Variants in CDH18 observed in about 807,000 individuals in gnomAD.
The protein encoded by CDH18 is cadherin-18.
A neutral mutation model predicts 67.9 loss-of-function variants in CDH18; 31 were observed. That is an observed-to-expected ratio of 0.46 (90% confidence interval 0.34 to 0.62). The LOEUF (loss-of-function observed/expected upper bound fraction) is 0.62, where lower values mean the gene tolerates loss of function less well. Ranked by LOEUF, CDH18 falls within the 20% of genes least tolerant of loss-of-function variation. The probability of loss-of-function intolerance (pLI) is 0.01; values close to 1 mark genes in which losing one functional copy is unlikely to be tolerated. For synonymous variants in CDH18, 362 were observed against 347.2 expected, an observed-to-expected ratio of 1.04 and a Z score of -0.48; for missense variants, 890 against 975.5, an observed-to-expected ratio of 0.91 and a Z score of 1.17.
intron 8 of CDH18, among the ~76,000 whole-genome samples, chr5:19,555,717 C>T (rs1049397205): frequency 6.6e-6 from 1 of 152,180 alleles, no homozygotes. Context: ...TACATAATCT[C>T]TTGGGAGCCG....
intron 2 of CDH18, among the ~76,000 whole-genome samples, chr5:20,092,507 G>T (rs1745532014): frequency 6.6e-6 from 1 of 152,110 alleles, no homozygotes; most frequent in Non-Finnish European, 1.5e-5. Context: ...AAAAGTAATT[G>T]TAAGTGTTTT....
chr5:20,343,782 A>G lies in CDH18; in HGVS notation c.-579-88277T>C, dbSNP rs79120571. Among the ~76,000 whole-genome samples the G allele has an allele frequency of 3.3e-5, 5 of 152,284 alleles. No homozygotes were observed. In the East Asian group the frequency reaches 9.7e-4, roughly 29 times the overall value. ...TCCTCCATGCCACTACTGGAAAGAG[A>G]GACACTTCCTTACATCTAATGGGTC... is the stretch of plus-strand genomic sequence containing the variant. On this transcript the variant is annotated intron_variant, in intron 1 of 14. Transcript: ENST00000507958.
chr5:19,525,090 A>G (rs1267265724), intron 9 of CDH18, among the ~76,000 whole-genome samples: 2 of 152,152 alleles, frequency 1.3e-5, no homozygotes, highest in Non-Finnish European at 2.9e-5. Context: ...AAGCAACTCC[A>G]GTGAAGTAAG....
At chr5:19,619,883 G>T (rs890684946) in intron 5 of CDH18, among the ~76,000 whole-genome samples, 1 of 152,112 alleles carries the variant, frequency 6.6e-6, no homozygotes, top group South Asian at 2.1e-4. Context: ...TACTTATAAA[G>T]AAAAATATAT....
intron 2 of CDH18, among the ~76,000 whole-genome samples, chr5:20,120,434 A>C (rs1200930180): frequency 6.6e-6 from 1 of 152,134 alleles, no homozygotes; most frequent in Non-Finnish European, 1.5e-5. Flanking sequence ...ACAGATATAT[A>C]AACTGGGGCA....
Position 20,516,238 on chromosome 5 carries a change from G to A in CDH18, c.-580+59224C>T, listed in dbSNP as rs1581138362. ...TTTGCTGTAGAGAAATTCACTGTTG[G>A]CCACTTTTCTTTAACACATTAATTC... On this transcript the variant is annotated intron_variant, in intron 1 of 14. Coordinates refer to the CDH18 transcript ENST00000507958. Among the ~76,000 whole-genome samples the A allele has an allele frequency of 2.6e-5, 4 of 151,904 alleles. No individual in the cohort carries two copies. The South Asian group carries it at 8.3e-4, about 31-fold the overall frequency.
Position 20,285,477 on chromosome 5 carries a change from C to A in CDH18, c.-579-29972G>T, listed in dbSNP as rs940579392. Among the ~76,000 whole-genome samples, 3 of 149,184 alleles carry A rather than the reference C, an allele frequency of 2.0e-5. No individual in the cohort carries two copies. The Admixed American group carries it at 2.0e-4, about 10-fold the overall frequency. Reference sequence around the variant, plus strand: ...CATATAATATGAGGCATGTTCTTGACCATCCATTGCTTGGAGGAATAAAAT... The same window carrying A: ...CATATAATATGAGGCATGTTCTTGAACATCCATTGCTTGGAGGAATAAAAT... On this transcript the variant is annotated intron_variant, in intron 1 of 14. Coordinates refer to the CDH18 transcript ENST00000507958.
chr5:20,387,972 T>C (rs1392297059), intron 1 of CDH18, among the ~76,000 whole-genome samples: 1 of 152,192 alleles, frequency 6.6e-6, no homozygotes, highest in African/African-American at 2.4e-5. Context: ...GGTTTGCCAG[T>C]ATTTTATTGA....
intron 8 of CDH18, among the ~76,000 whole-genome samples, chr5:19,545,492 T>C (rs1736159514): frequency 6.6e-6 from 1 of 152,086 alleles, no homozygotes; most frequent in South Asian, 2.1e-4. Context: ...CTGTAGAAAG[T>C]TGAAAACAAT....
intron 3 of CDH18, among the ~76,000 whole-genome samples, chr5:19,817,099 TCTC>T (rs1450137287): frequency 6.6e-6 from 1 of 151,784 alleles, no homozygotes; most frequent in Non-Finnish European, 1.5e-5. Flanking sequence ...AATAATTACA[TCTC>T]CTCAAAATTG....
intron 2 of CDH18, among the ~76,000 whole-genome samples, chr5:20,092,474 T>C (rs1010129748): frequency 2.0e-5 from 3 of 152,138 alleles, no homozygotes; most frequent in Non-Finnish European, 2.9e-5. Flanking sequence ...AATTTGGAAA[T>C]AGTCTACTAT....
chr5:19,982,238 G>A (rs902725736), intron 1 of CDH18, among the ~76,000 whole-genome samples: 4 of 152,006 alleles, frequency 2.6e-5, no homozygotes, highest in Non-Finnish European at 4.4e-5. Context: ...CAAAAAGTGG[G>A]TTCTCCATAA....
intron 1 of CDH18, among the ~76,000 whole-genome samples, chr5:20,539,070 G>A (rs886787873): frequency 6.6e-6 from 1 of 151,748 alleles, no homozygotes; most frequent in Non-Finnish European, 1.5e-5. Flanking sequence ...TGTATTTTTA[G>A]TAGAGACAGA....
At chr5:20,550,685 A>C (rs1165114936) in intron 1 of CDH18, among the ~76,000 whole-genome samples, 1 of 152,234 alleles carries the variant, frequency 6.6e-6, no homozygotes, top group Non-Finnish European at 1.5e-5. Flanking sequence ...ATAAATGTAG[A>C]GCTCTTTAGC....
chr5:20,095,482 A>AGG (rs1745888041), intron 2 of CDH18, among the ~76,000 whole-genome samples: 1 of 76,534 alleles, frequency 1.3e-5, no homozygotes, highest in African/African-American at 4.5e-5. Context: ...AAGGAAGGAG[A>AGG]GAGAGAGGGA....
chr5:20,172,236 A>ACG (rs1158436012), intron 2 of CDH18, among the ~76,000 whole-genome samples: 3 of 125,006 alleles, frequency 2.4e-5, no homozygotes, highest in African/African-American at 7.0e-5. Context: ...ATATATATAT[A>ACG]TATGTATATA....
At chr5:20,383,778 A>C (rs1744098012) in intron 1 of CDH18, among the ~76,000 whole-genome samples, 1 of 152,180 alleles carries the variant, frequency 6.6e-6, no homozygotes, top group Non-Finnish European at 1.5e-5. Flanking sequence ...ATTTGTAATA[A>C]AACATAAACT....
intron 2 of CDH18, among the ~76,000 whole-genome samples, chr5:20,078,098 C>T (rs1407057712): frequency 6.6e-6 from 1 of 152,142 alleles, no homozygotes; most frequent in East Asian, 1.9e-4. Flanking sequence ...TAAAAGTCAA[C>T]AAGAAGGCAA....
intron 9 of CDH18, among the ~76,000 whole-genome samples, chr5:19,530,921 C>T (rs983969006): frequency 3.3e-5 from 5 of 152,156 alleles, no homozygotes; most frequent in East Asian, 1.9e-4. Context: ...GGCAATGCCT[C>T]GCCCTGCTTC....
Sources: gnomAD v4.1 joint callset for allele counts (sites outside exome capture counted in the v4.1 genomes callset) on GRCh38, gnomAD v4.1.1 for gene constraint, MANE v1.5 for transcripts, NCBI Gene and HGNC (gene_info 2026-07-23, HGNC 2026-07-21) for gene names.